ADAMTSL1: variants seen among roughly 807,000 people sequenced by gnomAD.
ADAMTSL1 encodes the protein ADAMTS-like protein 1.
Under a neutral mutation model 201.8 loss-of-function variants are expected in ADAMTSL1, and 126 were observed. That is an observed-to-expected ratio of 0.62 (90% CI 0.54 to 0.72). ADAMTSL1 has a LOEUF of 0.72. Among genes scored for constraint, ADAMTSL1 ranks in the 30% least tolerant of loss-of-function variants. The pLI, the probability that ADAMTSL1 is intolerant of heterozygous loss-of-function variation, is 0.00. For synonymous variants in ADAMTSL1, 1,121 were observed against 903.4 expected, an observed-to-expected ratio of 1.24 and a Z score of -4.32; for missense variants, 2,679 against 2,277.8, an observed-to-expected ratio of 1.18 and a Z score of -3.59.
intron 1 of ADAMTSL1, among the ~76,000 whole-genome samples, chr9:17,933,128 C>G (rs1826865153): frequency 2.0e-5 from 3 of 152,214 alleles, no homozygotes; most frequent in Middle Eastern, 3.4e-3. Flanking sequence ...TTTCAGAAAT[C>G]CAAAATAAAG....
intron 2 of ADAMTSL1, among the ~76,000 whole-genome samples, chr9:18,246,252 T>C (rs1259750290): frequency 6.6e-6 from 1 of 152,178 alleles, no homozygotes; most frequent in Non-Finnish European, 1.5e-5. Context: ...ATTGGGTTAA[T>C]TTCTGCATGT....
intron 1 of ADAMTSL1, among the ~76,000 whole-genome samples, chr9:18,496,868 C>T (rs765163363): frequency 2.6e-5 from 4 of 152,264 alleles, no homozygotes; most frequent in Admixed American, 2.0e-4. Context: ...ACAGTTTGGA[C>T]GGACCTCTGG....
upstream of ADAMTSL1, among the ~76,000 whole-genome samples, chr9:18,471,277 A>T (rs1563980005): frequency 6.6e-6 from 1 of 152,234 alleles, no homozygotes; most frequent in African/African-American, 2.4e-5. Flanking sequence ...TACATCATAT[A>T]TAGATATAAT....
intron 19 of ADAMTSL1, among the ~76,000 whole-genome samples, chr9:18,792,281 C>G (rs1260496216): frequency 6.6e-6 from 1 of 152,122 alleles, no homozygotes; most frequent in Non-Finnish European, 1.5e-5. Flanking sequence ...CTTATATACC[C>G]CAGTTTAACA....
intron 2 of ADAMTSL1, among the ~76,000 whole-genome samples, chr9:18,307,278 C>G (rs966832561): frequency 5.3e-5 from 8 of 152,160 alleles, no homozygotes; most frequent in African/African-American, 1.9e-4. Context: ...TATGAAGAAA[C>G]TGCATCAACT....
chr9:18,813,448 A>G (rs1197866437), intron 20 of ADAMTSL1, among the ~76,000 whole-genome samples: 2 of 152,122 alleles, frequency 1.3e-5, no homozygotes, highest in Admixed American at 1.3e-4. Flanking sequence ...AATCCTTCCA[A>G]TCCATGAGCA....
upstream of ADAMTSL1, among the ~76,000 whole-genome samples, chr9:18,470,722 C>T (rs144618102): frequency 1.2e-3 from 178 of 152,316 alleles, no homozygotes; most frequent in African/African-American, 4.1e-3. Flanking sequence ...TCACTCTTTC[C>T]TCCCATAAAG....
chr9:18,065,691 T>C (rs1415391665), intron 1 of ADAMTSL1, among the ~76,000 whole-genome samples: 1 of 152,086 alleles, frequency 6.6e-6, no homozygotes, highest in Non-Finnish European at 1.5e-5. Flanking sequence ...TTCTTAAGTG[T>C]TAGAAAGGGC....
chr9:18,612,879 C>T (rs1825469469), intron 4 of ADAMTSL1, among the ~76,000 whole-genome samples: 1 of 152,110 alleles, frequency 6.6e-6, no homozygotes, highest in Non-Finnish European at 1.5e-5. Context: ...TCTAATTAAG[C>T]TAACAAACTT....
chr9:18,425,836 A>G (rs1819188817), intron 2 of ADAMTSL1, among the ~76,000 whole-genome samples: 1 of 148,070 alleles, frequency 6.8e-6, no homozygotes, highest in African/African-American at 2.5e-5. Context: ...AGCTTGGGTA[A>G]CACAGTAAGA....
At chr9:18,172,834 G>A (rs1216653809) in intron 2 of ADAMTSL1, among the ~76,000 whole-genome samples, 2 of 152,004 alleles carry the variant, frequency 1.3e-5, no homozygotes, top group African/African-American at 4.8e-5. Context: ...TATTCAGGGG[G>A]AAGGGATACC....
chr9:18,647,366 G>GTTT (rs372396490), intron 7 of ADAMTSL1, among the ~76,000 whole-genome samples: 15 of 150,240 alleles, frequency 1.0e-4, no homozygotes, highest in Admixed American at 3.3e-4. Flanking sequence ...TTTTTGAAGG[G>GTTT]TTTTTTTTCC....
At chr9:17,958,480 T>C (rs1470362516) in intron 1 of ADAMTSL1, among the ~76,000 whole-genome samples, 1 of 152,174 alleles carries the variant, frequency 6.6e-6, no homozygotes, top group Admixed American at 6.5e-5. Context: ...TGTGGAGTGC[T>C]AATAATGTCT....
intron 1 of ADAMTSL1, among the ~76,000 whole-genome samples, chr9:18,492,050 A>G (rs1822295042): frequency 6.6e-6 from 1 of 152,212 alleles, no homozygotes; most frequent in Non-Finnish European, 1.5e-5. Flanking sequence ...CTATACTAAG[A>G]CAATAGTAAC....
rs554810765 is a variant in ADAMTSL1 at position 18,176,999 on chromosome 9, T to A, written c.207+13018T>A. Among the ~76,000 whole-genome samples, 11 of 152,368 alleles carry A rather than the reference T, an allele frequency of 7.2e-5. No homozygotes were observed. In the South Asian group the frequency reaches 2.1e-3, roughly 29 times the overall value. ...ATTTCAGGTAGACATTATTATAGTT[T>A]GCAATTATATTCCCACATAGGGCTA... On this transcript the variant is annotated intron_variant, in intron 2 of 29. Coordinates refer to the ADAMTSL1 transcript ENST00000680146.
chr9:18,245,907 A>G (rs755761053), intron 2 of ADAMTSL1, among the ~76,000 whole-genome samples: 6 of 152,118 alleles, frequency 3.9e-5, no homozygotes, highest in Non-Finnish European at 8.8e-5. Context: ...CTAAAGTATC[A>G]CCATTTTATT....
chr9:18,160,360 G>A (rs1000375793), intron 1 of ADAMTSL1, among the ~76,000 whole-genome samples: 2 of 151,976 alleles, frequency 1.3e-5, no homozygotes, highest in Non-Finnish European at 2.9e-5. Context: ...GTGAATAATG[G>A]GGGTTGAATC....
rs533758215 is a variant in ADAMTSL1, at chr9:18,508,594, T to A, written c.191+3638T>A. On this transcript the variant is annotated intron_variant, in intron 2 of 28. Transcript: ENST00000380548. ...ATCTTTCACTATTAACAGAAATTCCTGGGTTACAGCCTCATGTTTCAAAAA... is the reference window on the plus strand; with the variant it reads ...ATCTTTCACTATTAACAGAAATTCCAGGGTTACAGCCTCATGTTTCAAAAA... Among the ~76,000 whole-genome samples the A allele has an allele frequency of 3.3e-5, 5 of 152,338 alleles. No individual in the cohort carries two copies. In the East Asian group the frequency reaches 9.7e-4, roughly 29 times the overall value.
At chr9:18,774,323 C>G (rs1820859133) in intron 17 of ADAMTSL1, among the ~76,000 whole-genome samples, 1 of 152,100 alleles carries the variant, frequency 6.6e-6, no homozygotes, top group South Asian at 2.1e-4. Context: ...TTAAAGGTCT[C>G]CAAACTAACC....
Sources: allele counts gnomAD v4.1 joint callset (sites outside exome capture counted in the v4.1 genomes callset), GRCh38; gene constraint gnomAD v4.1.1; transcripts MANE v1.5; gene names NCBI Gene and HGNC (gene_info 2026-07-23, HGNC 2026-07-21).